The following FAF2 variants were observed in gnomAD, a reference collection of about 807,000 sequenced individuals.
The protein encoded by FAF2 is Fas associated factor family member 2.
Under a neutral mutation model 62.3 loss-of-function variants are expected in FAF2, and 9 were observed. The observed-to-expected ratio is 0.14, with a 90% CI of 0.09 to 0.25. FAF2 has a LOEUF of 0.25. Ranked by LOEUF, FAF2 falls within the 10% of genes least tolerant of loss-of-function variation. FAF2 has a pLI of 1.00. For missense variants in FAF2, 368 were observed against 556.2 expected (o/e 0.66, Z 3.40); for synonymous variants, 202 against 198.0 (o/e 1.02, Z -0.17).
At chr5:176,458,735 G>A (rs1448162902) in intron 1 of FAF2, among the ~76,000 whole-genome samples, 2 of 152,146 alleles carry the variant, frequency 1.3e-5, no homozygotes, top group East Asian at 3.9e-4. Flanking sequence ...AATAATTGGA[G>A]TGGTATTGAT....
At chr5:176,499,639 G>T (rs530359385) in intron 9 of FAF2, among the ~76,000 whole-genome samples, 2 of 150,978 alleles carry the variant, frequency 1.3e-5, no homozygotes, top group South Asian at 4.2e-4. Flanking sequence ...AAGAGACAGG[G>T]TCTCACTGTG....
intron 1 of FAF2, among the ~76,000 whole-genome samples, chr5:176,460,550 G>C (rs1052489495): frequency 6.7e-5 from 10 of 149,336 alleles, no homozygotes; most frequent in Non-Finnish European, 1.3e-4. Context: ...GTGTGTGTGT[G>C]TGTATTTTTT....
At chr5:176,471,996 C>A (rs11134975) in intron 1 of FAF2, among the ~76,000 whole-genome samples, 125,792 of 152,052 alleles carry the variant, frequency 0.83, 52,168 homozygotes, top group African/African-American at 0.9. Flanking sequence ...TGTACATTCT[C>A]ATCACCTGTG....
chr5:176,496,787 C>T (rs943197371), intron 8 of FAF2, 124 bp downstream of exon 8: 2 of 650,510 alleles, frequency 3.1e-6, no homozygotes, highest in Admixed American at 7.1e-5. Context: ...TTAGCTTTGC[C>T]CATTTATTGT....
chr5:176,497,047 G>A (rs79353790), intron 8 of FAF2: 14,403 of 153,460 alleles, frequency 0.094, 944 homozygotes, highest in East Asian at 0.28. Flanking sequence ...TTGGGAGCCC[G>A]AGGCAGGAGG....
chr5:176,493,912 C>T, intron 5 of FAF2, 87 bp from the exon 6 acceptor site: 3 of 875,474 alleles, frequency 3.4e-6, no homozygotes, highest in South Asian at 3.2e-5. Flanking sequence ...TTCCTAAATA[C>T]ATAACTGTAT....
intron 8 of FAF2, 135 bp from the exon 9 acceptor site, chr5:176,498,779 G>A (rs1755541679): frequency 1.3e-6 from 1 of 750,680 alleles, no homozygotes; most frequent in Admixed American, 3.8e-5. Context: ...AATCCCTTAT[G>A]GCAGTGTGAA....
At chr5:176,499,406 C>T (rs1755553621) in intron 9 of FAF2, among the ~76,000 whole-genome samples, 1 of 152,126 alleles carries the variant, frequency 6.6e-6, no homozygotes, top group Non-Finnish European at 1.5e-5. Flanking sequence ...GGATTACAGG[C>T]GTGAGCCACC....
rs575089694 is a variant in FAF2, at chr5:176,449,529, C to T, written c.63+1059C>T. ...GGCGGAGGTTGCAGTGAGCCGAGAT[C>T]GTGCCACTGCACTCCAGCCTGGGCA... On this transcript the variant is annotated intron_variant, in intron 1 of 10. Transcript: ENST00000261942. Among the ~76,000 whole-genome samples the T allele has an allele frequency of 1.7e-4, 26 of 151,918 alleles. No individual in the cohort carries two copies. In the South Asian group the frequency reaches 5.4e-3, roughly 32 times the overall value.
intron 4 of FAF2, among the ~76,000 whole-genome samples, chr5:176,489,692 C>T (rs184385332): frequency 1.4e-4 from 22 of 152,246 alleles, no homozygotes; most frequent in African/African-American, 5.1e-4. Context: ...CATGCGCCAC[C>T]ACGCCTGGCT....
rs188643034 is a variant in FAF2, at chr5:176,471,711, C to A, written c.64-7477C>A. On this transcript the variant is annotated intron_variant, in intron 1 of 10. Coordinates refer to ENST00000261942, the MANE Select transcript of FAF2 (RefSeq NM_014613.3). ...TTTTTTTTTTTTTTTGAGATGGAGT[C>A]TCACTCTGTCTGTCACCTGGGCTGG... Among the ~76,000 whole-genome samples the A allele has an allele frequency of 1.6e-3, 192 of 119,388 alleles. 2 individuals are homozygous for A. In the Admixed American group the frequency reaches 0.016, roughly 10 times the overall value. The allele number at this position is 119,388 out of a possible 152,430, so 78.3% of individuals were successfully genotyped here.
At chr5:176,460,511 C>CGT (rs1491406940) in intron 1 of FAF2, among the ~76,000 whole-genome samples, 189 of 99,434 alleles carry the variant, frequency 1.9e-3, no homozygotes, top group African/African-American at 6.4e-3. Flanking sequence ...TATTTTTGGC[C>CGT]GCGTGTGTGT....
At chr5:176,503,477 C>T (rs1488464764) in intron 10 of FAF2, among the ~76,000 whole-genome samples, 1 of 151,470 alleles carries the variant, frequency 6.6e-6, no homozygotes, top group Non-Finnish European at 1.5e-5. Context: ...ATCGCTTGAA[C>T]CTGGGAGGCG....
At chr5:176,486,887 C>T (rs1296525021) in intron 3 of FAF2, among the ~76,000 whole-genome samples, 1 of 152,170 alleles carries the variant, frequency 6.6e-6, no homozygotes, top group Non-Finnish European at 1.5e-5. Flanking sequence ...ATTTGACAGA[C>T]ATTTAAGAGT....
chr5:176,449,359 G>C (rs887111165), intron 1 of FAF2, among the ~76,000 whole-genome samples: 1 of 152,166 alleles, frequency 6.6e-6, no homozygotes, highest in Non-Finnish European at 1.5e-5. Context: ...AGCGAATCAC[G>C]AGGTCAGGAG....
chr5:176,502,468 G>A (rs112155666), intron 10 of FAF2, among the ~76,000 whole-genome samples: 2 of 151,688 alleles, frequency 1.3e-5, no homozygotes, highest in African/African-American at 4.8e-5. Flanking sequence ...TAATCTCAGC[G>A]ACTTGGGAGG....
intron 1 of FAF2, among the ~76,000 whole-genome samples, chr5:176,477,106 CCTTTT>C (rs1758712543): frequency 7.0e-6 from 1 of 143,666 alleles, no homozygotes; most frequent in African/African-American, 2.7e-5. Flanking sequence ...CCGTGCCCGG[CCTTTT>C]TTTTTTTTTT....
chr5:176,488,221 A>G (rs1270975337), intron 3 of FAF2, among the ~76,000 whole-genome samples: 1 of 151,786 alleles, frequency 6.6e-6, no homozygotes, highest in African/African-American at 2.4e-5. Context: ...CAGGTGATCC[A>G]TCCGCCTCAG....
intron 9 of FAF2, among the ~76,000 whole-genome samples, 185 bp downstream of exon 9, chr5:176,499,270 C>T (rs988063159): frequency 2.0e-5 from 3 of 151,204 alleles, no homozygotes; most frequent in East Asian, 3.9e-4. Flanking sequence ...TTTTTCATAC[C>T]ATTTAAATAT....
Sources: gnomAD v4.1 joint callset for allele counts (sites outside exome capture counted in the v4.1 genomes callset) on GRCh38, gnomAD v4.1.1 for gene constraint, MANE v1.5 for transcripts, NCBI Gene and HGNC (gene_info 2026-07-23, HGNC 2026-07-21) for gene names.